KRT86: variants seen among roughly 807,000 people sequenced by gnomAD.
KRT86 encodes the protein keratin, type II cuticular Hb6.
Under a neutral mutation model 41.2 loss-of-function variants are expected in KRT86, and 30 were observed. That is an observed-to-expected ratio of 0.73 (90% CI 0.54 to 0.99). The LOEUF (loss-of-function observed/expected upper bound fraction) is 0.99. Among genes scored for constraint, KRT86 ranks in the 50% least tolerant of loss-of-function variants. KRT86 has a pLI of 0.00. For synonymous variants in KRT86, 238 were observed against 238.1 expected (o/e 1.00, Z 0.00); for missense variants, 561 against 571.4 (o/e 0.98, Z 0.19).
rs187143444 is a variant in KRT86, at chr12:52,280,360, A to C, written c.-5+4414A>C. Among the ~76,000 whole-genome samples the C allele has an allele frequency of 2.4e-3, 369 of 152,310 alleles. 1 individual carries two copies. The highest frequency in any genetic ancestry group is 0.014 in the Middle Eastern group (4 of 294). Reference sequence around the variant, plus strand: ...TCTGGGTTCTTTCCCTGCCACACAGACCCAAGAGAAGCTTCTGTACAGTGA... The same window carrying C: ...TCTGGGTTCTTTCCCTGCCACACAGCCCCAAGAGAAGCTTCTGTACAGTGA... On this transcript the variant is annotated intron_variant, in intron 2 of 10. Coordinates refer to ENST00000423955, the MANE Select transcript of KRT86 (RefSeq NM_001320198.2).
In KRT86 at chr12:52,302,156, C is replaced by G. The variant is rs766898287; in HGVS notation, c.240C>G (p.Thr80=). The change falls in exon 3 of 11, where the codon ACC becomes ACG. Residue 80 remains threonine (T), a synonymous_variant. Transcript: ENST00000423955. ...VCGPSPPCIT[T]VSVNESLLTP... is the part of the protein sequence containing the mutation. ...GGCCCAGTCCCCCATGCATCACCAC[C>G]GTGTCGGTCAACGAGAGCCTCCTCA... 2.0e-6 allele frequency: 3 copies of G among 1,490,352 alleles called. No individual in the cohort carries two copies. Among genetic ancestry groups the G allele is most frequent in the Non-Finnish European group, 1.8e-6 (2 of 1,104,016 alleles). The allele number at this position is 1,490,352 out of a possible 1,614,324, so 92.3% of individuals were successfully genotyped here.
At chr12:52,301,732 G>T in intron 2 of KRT86, 181 bp from the exon 3 acceptor site, 8 of 1,162,908 alleles carry the variant, frequency 6.9e-6, no homozygotes, top group South Asian at 1.4e-5. Context: ...AGTGGGGAGC[G>T]ACAGCAGCTA....
At position 52,305,663 on chromosome 12, in the gene KRT86, T is replaced by A. The variant is rs1301650416; in HGVS notation, c.901T>A (p.Cys301Ser). The change falls in exon 8 of 11, where the codon TGT (cysteine) becomes AGT (serine). Residue 301 changes from cysteine to serine, a missense_variant and splice_region_variant. By Grantham distance (112) the Cys-to-Ser change is moderately radical. Coordinates refer to ENST00000423955, the MANE Select transcript of KRT86 (RefSeq NM_001320198.2). Reference protein sequence around the residue: ...AEAESWYRSKCEEMKATVIRH... With the variant: ...AEAESWYRSKSEEMKATVIRH... ...TCATGAGCATCTCTACTTCCCCCAG[T>A]GTGAGGAGATGAAGGCCACGGTGAT... 3 of 1,613,928 alleles carry A rather than the reference T, an allele frequency of 1.9e-6. No homozygotes were observed. The highest frequency in any genetic ancestry group is 2.2e-5 in the South Asian group (2 of 91,062).
intron 9 of KRT86, among the ~76,000 whole-genome samples, chr12:52,307,416 A>G (rs1938542557): frequency 6.6e-6 from 1 of 152,204 alleles, no homozygotes; most frequent in Admixed American, 6.5e-5. Context: ...TTACCTAGGG[A>G]ACCTGGGCAT....
intron 2 of KRT86, chr12:52,291,596 A>T: frequency 7.0e-7 from 1 of 1,423,932 alleles, no homozygotes; most frequent in Non-Finnish European, 9.5e-7. Flanking sequence ...GGCTGTGAAG[A>T]TGATGTTGGG....
At chr12:52,286,229 G>T (rs768552191) in intron 2 of KRT86, 1 of 1,542,064 alleles carries the variant, frequency 6.5e-7, no homozygotes, top group Non-Finnish European at 8.8e-7. Flanking sequence ...AAAGATGCCT[G>T]GGGCCTGGGA....
At chr12:52,300,646 A>G (rs926456829) in intron 2 of KRT86, among the ~76,000 whole-genome samples, 3 of 152,186 alleles carry the variant, frequency 2.0e-5, no homozygotes, top group African/African-American at 4.8e-5. Flanking sequence ...ACAAATATAG[A>G]TCTGTTCTCT....
At chr12:52,286,658 G>A (rs1356430762) in intron 2 of KRT86, 12 of 1,203,414 alleles carry the variant, frequency 1.0e-5, no homozygotes, top group African/African-American at 4.5e-5. Flanking sequence ...TTGGATGTCT[G>A]ACCCCAAATC....
At chr12:52,277,890 C>T (rs919520562) in intron 2 of KRT86, among the ~76,000 whole-genome samples, 3 of 152,204 alleles carry the variant, frequency 2.0e-5, no homozygotes, top group African/African-American at 7.2e-5. Flanking sequence ...CATCTTACAG[C>T]CCTTTGAACA....
intron 2 of KRT86, among the ~76,000 whole-genome samples, chr12:52,293,858 C>T (rs1336192670): frequency 6.6e-6 from 1 of 151,994 alleles, no homozygotes; most frequent in African/African-American, 2.4e-5. Context: ...GGCTTATAGC[C>T]CCCTGGAGCT....
At chr12:52,286,824 T>C (rs1265577081) in intron 2 of KRT86, 1 of 1,613,876 alleles carries the variant, frequency 6.2e-7, no homozygotes, top group Admixed American at 1.7e-5. Flanking sequence ...TCACATAGCC[T>C]GAGGGCAAAA....
chr12:52,305,156 C>G lies in KRT86; in HGVS notation c.736-84C>G. On this transcript the variant is annotated intron_variant, in intron 6 of 10. Transcript: ENST00000423955. ...TGTGTGAGGGGGCAGGGTTGGGGAC[C>G]AGAGAAAGCCTGAGGAGGTGGAGTC... The G allele has an allele frequency of 1.9e-6, 3 of 1,610,314 alleles. No individual in the cohort carries two copies. In the South Asian group the frequency reaches 3.3e-5, roughly 18 times the overall value.
chr12:52,293,502 A>G (rs376945975), intron 2 of KRT86, among the ~76,000 whole-genome samples: 1 of 152,124 alleles, frequency 6.6e-6, no homozygotes, highest in Admixed American at 6.6e-5. Context: ...GGTGTGAGAG[A>G]GTCCATCTAA....
intron 2 of KRT86, chr12:52,286,127 A>C: frequency 1.3e-6 from 1 of 794,404 alleles, no homozygotes; most frequent in Non-Finnish European, 2.1e-6. Context: ...ATGTGAGGCC[A>C]GGAGTGGGAG....
At chr12:52,287,579 G>A (rs754423411) in intron 2 of KRT86, 17 of 1,613,796 alleles carry the variant, frequency 1.1e-5, no homozygotes, top group African/African-American at 6.7e-5. Context: ...CTGACCTTGC[G>A]CACAGATGCC....
At position 52,288,357 on chromosome 12, in the gene KRT86, G is replaced by A. The variant is rs12812669; in HGVS notation, c.-5+12411G>A. 417,566 of 1,613,508 alleles carry A rather than the reference G, an allele frequency of 0.26. 56,189 individuals carry two copies. The highest frequency in any genetic ancestry group is 0.28 in the South Asian group (25,417 of 91,048). ...AGGTTTCTGTCTGGCCCCTGAGCCC[G>A]CACCTCCTCATACAGCCGCCTCAGG... On this transcript the variant is annotated intron_variant, in intron 2 of 10. Coordinates refer to ENST00000423955, the MANE Select transcript of KRT86 (RefSeq NM_001320198.2).
In KRT86 at chr12:52,305,233, C is replaced by T. The variant is rs1318738824; in HGVS notation, c.736-7C>T. 1.2e-6 allele frequency: 2 copies of T among 1,614,208 alleles called. No homozygotes were observed. Among genetic ancestry groups the T allele is most frequent in the Admixed American group, 1.7e-5 (1 of 60,034 alleles). On this transcript the variant is annotated splice_region_variant and splice_polypyrimidine_tract_variant and intron_variant, in intron 6 of 10. Coordinates refer to ENST00000423955, the MANE Select transcript of KRT86 (RefSeq NM_001320198.2). ...TCAACTAAAGTCACTGCCCTCACCT[C>T]CTGCAGGAGATCCGCGTTCTCCAGT...
At chr12:52,288,593 G>C in intron 2 of KRT86, 1 of 1,082,308 alleles carries the variant, frequency 9.2e-7, no homozygotes, top group Non-Finnish European at 1.4e-6. Flanking sequence ...CTCCCCTTCT[G>C]CCCTTCCTGG....
chr12:52,306,895 A>G (rs1383689155), intron 9 of KRT86: 1 of 157,966 alleles, frequency 6.3e-6, no homozygotes, highest in Non-Finnish European at 1.4e-5. Context: ...CCCATTGGTC[A>G]CTCAGCCTTC....
Sources: allele counts gnomAD v4.1 joint callset (sites outside exome capture counted in the v4.1 genomes callset), GRCh38; gene constraint gnomAD v4.1.1; transcripts MANE v1.5; gene names NCBI Gene and HGNC (gene_info 2026-07-23, HGNC 2026-07-21).